Variants in IPO9 observed in about 807,000 individuals in gnomAD.
The protein encoded by IPO9 is importin 9.
IPO9 carries 28 observed loss-of-function variants against 128.6 expected under a neutral mutation model. The observed-to-expected ratio is 0.22, with a 90% CI of 0.16 to 0.30. IPO9 has a LOEUF of 0.30. IPO9 is among the 10% of genes least tolerant of loss of function. IPO9 has a pLI of 1.00. For synonymous variants in IPO9, 455 were observed against 475.8 expected (o/e 0.96, Z 0.57); for missense variants, 935 against 1,293.9 (o/e 0.72, Z 4.26).
intron 14 of IPO9, among the ~76,000 whole-genome samples, chr1:201,865,203 T>TC (rs199796993): frequency 0.01 from 1,520 of 149,688 alleles, 30 homozygotes; most frequent in African/African-American, 0.036. Flanking sequence ...ATTTTTCTTT[T>TC]TTTTTTTTTT....
Position 201,856,129 on chromosome 1 carries a change from C to CTTTTTTT in IPO9, c.1122+208_1122+214dup. ...TTTTGGAGTTCACCACCATACCTGG[C>CTTTTTTT]TTTTTTTTTTTTTTTTTTTCCCAGC... On this transcript the variant is annotated intron_variant, in intron 10 of 23. Transcript: ENST00000361565. Among the ~76,000 whole-genome samples the CTTTTTTT allele has an allele frequency of 1.6e-5, 2 of 123,156 alleles. 1 individual carries two copies. The highest frequency in any genetic ancestry group is 3.4e-5 in the Non-Finnish European group (2 of 58,990). The allele number at this position is 123,156 out of a possible 152,430, so 80.8% of individuals were successfully genotyped here. A position where few individuals can be genotyped will look rare whatever the true frequency, so the allele number is the denominator to read the frequency against.
intron 1 of IPO9, among the ~76,000 whole-genome samples, chr1:201,830,129 T>A (rs74703916): frequency 3.3e-5 from 5 of 152,200 alleles, no homozygotes; most frequent in Non-Finnish European, 7.3e-5. Flanking sequence ...TCCTGCCGCG[T>A]GAGCCTTTCA....
chr1:201,858,786 T>C, intron 12 of IPO9, 69 bp from the exon 13 acceptor site: 2 of 1,504,918 alleles, frequency 1.3e-6, no homozygotes, highest in Non-Finnish European at 9.0e-7. Context: ...TTCTGAATCT[T>C]GTTTCCTCAA....
chr1:201,864,279 A>G (rs1197859069), intron 14 of IPO9, among the ~76,000 whole-genome samples: 2 of 152,224 alleles, frequency 1.3e-5, no homozygotes. Flanking sequence ...AAAGCATTCA[A>G]GAACTGCCTG....
chr1:201,856,038 C>A, intron 10 of IPO9, 104 bp downstream of exon 10: 24 of 797,538 alleles, frequency 3.0e-5, no homozygotes, highest in South Asian at 1.2e-4. Flanking sequence ...AAAATAGACA[C>A]AAAAAGAATA....
At position 201,829,211 on chromosome 1, in the gene IPO9, T is replaced by TGGCGGC. The variant is rs753022336; in HGVS notation, c.12_17dup (p.Ala6_Ala7dup). ...GCTGGCGGGCTGAGGGGAGAAAAGA[T>TGGCGGC]GGCGGCGGCGGCGGCAGCTGGTGCG... On this transcript the variant is annotated inframe_insertion, in exon 1 of 24. Transcript: ENST00000361565. 24 of 1,545,472 alleles carry TGGCGGC rather than the reference T, an allele frequency of 1.6e-5. 1 individual carries two copies. In the South Asian group the frequency reaches 2.2e-4, roughly 14 times the overall value.
chr1:201,830,757 TGA>T (rs772262520), intron 1 of IPO9, among the ~76,000 whole-genome samples: 19 of 152,192 alleles, frequency 1.2e-4, no homozygotes, highest in Non-Finnish European at 2.8e-4. Context: ...GAATAAAACT[TGA>T]GAGTCTGGTG....
Position 201,872,937 on chromosome 1 carries a change from C to T in IPO9, c.2686C>T (p.Arg896Cys), listed in dbSNP as rs781370525. ...GATCTACAGCATGGATGAGGGCATC[C>T]GCACCCGCTCTAAGTCAGCCAAAAG... is the stretch of plus-strand genomic sequence containing the variant. ...EEIYSMDEGIRTRSKSAKNPE... is the reference protein window; with the variant it reads ...EEIYSMDEGICTRSKSAKNPE... Residue 896 changes from arginine (R) to cysteine (C), a missense_variant, in exon 20 of 24, where the codon CGC (arginine) becomes TGC (cysteine). Arg to Cys is a radical substitution (Grantham distance 180). This residue lies in a region of IPO9 where 188 missense variants were observed against 246.7 expected (regional missense o/e 0.76). Transcript: ENST00000361565. 9.9e-6 allele frequency: 16 copies of T among 1,613,280 alleles called. No individual in the cohort carries two copies. Among genetic ancestry groups the T allele is most frequent in the Admixed American group, 3.3e-5 (2 of 59,908 alleles).
intron 3 of IPO9, among the ~76,000 whole-genome samples, chr1:201,847,922 C>T (rs1680150073): frequency 6.6e-6 from 1 of 152,078 alleles, no homozygotes; most frequent in African/African-American, 2.4e-5. Flanking sequence ...ATAAAAATAC[C>T]AACTAAGGGT....
At position 201,866,923 on chromosome 1, in the gene IPO9, C is replaced by A; in HGVS notation, c.1819C>A (p.Pro607Thr). 6.2e-7 allele frequency: 1 copy of A among 1,614,124 alleles called. No homozygotes were observed. Among genetic ancestry groups the A allele is most frequent in the Non-Finnish European group, 8.5e-7 (1 of 1,180,002 alleles). The part of the protein sequence containing the change: ...FTASMESKIC[P>T]FTIAIFLKYS... The stretch of plus-strand genomic sequence containing the variant: ...AGCAAGCATGGAAAGCAAAATCTGC[C>A]CCTTCACCATCGCCATTTTCCTAAA... Residue 607 changes from proline to threonine, a missense_variant, in exon 15 of 24, where the codon CCC becomes ACC. By Grantham distance (38) the Pro-to-Thr change is conservative. This residue lies in a region of IPO9 where 741 missense variants were observed against 1,019.1 expected (regional missense o/e 0.73). Transcript: ENST00000361565.
At chr1:201,863,739 G>T in intron 14 of IPO9, 132 bp downstream of exon 14, 2 of 777,798 alleles carry the variant, frequency 2.6e-6, no homozygotes, top group Non-Finnish European at 1.9e-6. Flanking sequence ...AATGTTGGAA[G>T]GACAGGGAAA....
intron 1 of IPO9, among the ~76,000 whole-genome samples, chr1:201,837,842 G>A (rs757673663): frequency 2.2e-4 from 33 of 151,990 alleles, no homozygotes; most frequent in African/African-American, 4.8e-4. Context: ...AGGCTGAGGC[G>A]GGCGGATCAC....
At chr1:201,856,634 A>G (rs1296860565) in intron 10 of IPO9, among the ~76,000 whole-genome samples, 1 of 152,120 alleles carries the variant, frequency 6.6e-6, no homozygotes, top group Non-Finnish European at 1.5e-5. Context: ...ATCAAAAAGA[A>G]AAGATTTTTT....
intron 6 of IPO9, 98 bp from the exon 7 acceptor site, chr1:201,854,497 G>T: frequency 1.4e-6 from 2 of 1,462,506 alleles, no homozygotes; most frequent in Admixed American, 4.1e-5. Flanking sequence ...AGCCTGAAGA[G>T]AGCTTTAGGT....
In IPO9 at chr1:201,829,211, T is replaced by TGGCGGCGGC; in HGVS notation, c.9_17dup (p.Ala5_Ala7dup). Reference sequence around the variant, plus strand: ...GCTGGCGGGCTGAGGGGAGAAAAGATGGCGGCGGCGGCGGCAGCTGGTGCG... The same window carrying TGGCGGCGGC: ...GCTGGCGGGCTGAGGGGAGAAAAGATGGCGGCGGCGGCGGCGGCGGCGGCAGCTGGTGCG... On this transcript the variant is annotated inframe_insertion, in exon 1 of 24. Transcript: ENST00000361565. 2 of 1,545,472 alleles carry TGGCGGCGGC rather than the reference T, an allele frequency of 1.3e-6. No individual in the cohort carries two copies. The highest frequency in any genetic ancestry group is 1.7e-6 in the Non-Finnish European group (2 of 1,150,524).
chr1:201,836,727 G>C (rs1350649898), intron 1 of IPO9, among the ~76,000 whole-genome samples: 1 of 152,186 alleles, frequency 6.6e-6, no homozygotes, highest in Non-Finnish European at 1.5e-5. Flanking sequence ...ATTGGGTTAA[G>C]TAAAAGAATT....
rs190138714 is a variant in IPO9, at chr1:201,880,931, T to G, written c.*4877T>G. The G allele has an allele frequency of 6.6e-6, 1 of 152,386 alleles. No homozygotes were observed. The highest frequency in any genetic ancestry group is 1.5e-5 in the Non-Finnish European group (1 of 68,046). 9.4% of individuals were successfully genotyped at this position (152,386 alleles called of 1,614,324 possible). On this transcript the variant is annotated 3_prime_UTR_variant, in exon 24 of 24. Transcript: ENST00000361565. ...GAGTTTGCCCAACTGTAAGCTAATGTAAGTGATCTGAGTAGGTTTAAGGTA... is the reference window on the plus strand; with the variant it reads ...GAGTTTGCCCAACTGTAAGCTAATGGAAGTGATCTGAGTAGGTTTAAGGTA...
chr1:201,873,111 A>G lies in IPO9; in HGVS notation c.2710+150A>G, dbSNP rs969223263. The G allele has an allele frequency of 8.3e-6, 8 of 963,282 alleles. 1 individual carries two copies. Among genetic ancestry groups the G allele is most frequent in the South Asian group, 2.0e-5 (1 of 51,146 alleles). The allele number at this position is 963,282 out of a possible 1,614,324, so 59.7% of individuals were successfully genotyped here. Reference sequence around the variant, plus strand: ...AGAAGAAGCAGGAAACTTAGGTAAAAGGGATCAGAACATACGGTTTCTTCC... The same window carrying G: ...AGAAGAAGCAGGAAACTTAGGTAAAGGGGATCAGAACATACGGTTTCTTCC... On this transcript the variant is annotated intron_variant, in intron 20 of 23. Transcript: ENST00000361565.
In IPO9 at chr1:201,869,750, G is replaced by GAT. The variant is rs761602690; in HGVS notation, c.2133+34_2133+35dup. 23 of 1,611,530 alleles carry GAT rather than the reference G, an allele frequency of 1.4e-5. No homozygotes were observed. In the African/African-American group the frequency reaches 3.1e-4, roughly 22 times the overall value. ...GAGACATGGAGAGTAGAAGAGGGAA[G>GAT]ATAGCTCCCCAGCCATGGGCTTATA... On this transcript the variant is annotated intron_variant, in intron 17 of 23. Transcript: ENST00000361565.
Sources: gnomAD v4.1 joint callset for allele counts (sites outside exome capture counted in the v4.1 genomes callset) on GRCh38, gnomAD v4.1.1 for gene constraint, gnomAD v4.1.1 regional missense constraint, MANE v1.5 for transcripts, NCBI Gene and HGNC (gene_info 2026-07-23, HGNC 2026-07-21) for gene names.